Variants in CFDP1 observed in about 807,000 individuals in gnomAD.
The protein encoded by CFDP1 is chromatin remodeling protein CFDP1.
In CFDP1, 31 loss-of-function variants were observed where a neutral mutation model predicts 40.1. The ratio of observed to expected loss-of-function variants is 0.77; its 90% confidence interval spans 0.58 to 1.04. The LOEUF is 1.04. CFDP1 is among the 50% of genes least tolerant of loss of function. The pLI is 0.00. For synonymous variants in CFDP1, 167 were observed against 120.0 expected (o/e 1.39, Z -2.56); for missense variants, 423 against 343.4 (o/e 1.23, Z -1.83).
rs61472076 is a variant in CFDP1 at position 75,349,650 on chromosome 16, CAAAAAAA to C, written c.651-44475_651-44469del. On this transcript the variant is annotated intron_variant, in intron 5 of 6. Transcript: ENST00000283882. ...TGGGCGACAGAGCGAGACTCCGTCTCAAAAAAAAAAAAAAAAAAAAAAAAAAAAAAAA... is the reference window on the plus strand; with the variant it reads ...TGGGCGACAGAGCGAGACTCCGTCTCAAAAAAAAAAAAAAAAAAAAAAAAA... Among the ~76,000 whole-genome samples the C allele has an allele frequency of 4.0e-3, 93 of 23,216 alleles. 3 individuals are homozygous for C. Among genetic ancestry groups the C allele is most frequent in the African/African-American group, 0.01 (78 of 7,516 alleles). The allele number at this position is 23,216 out of a possible 152,430, so 15.2% of individuals were successfully genotyped here. A position where few individuals can be genotyped will look rare whatever the true frequency, so the allele number is the denominator to read the frequency against.
intron 1 of CFDP1, among the ~76,000 whole-genome samples, chr16:75,427,260 T>C (rs1468604851): frequency 6.6e-6 from 1 of 151,886 alleles, no homozygotes; most frequent in Non-Finnish European, 1.5e-5. Flanking sequence ...TTTTTTTTCT[T>C]TTTTTTTCGA....
At chr16:75,401,792 T>G (rs964736731) in intron 4 of CFDP1, among the ~76,000 whole-genome samples, 1 of 152,076 alleles carries the variant, frequency 6.6e-6, no homozygotes, top group Non-Finnish European at 1.5e-5. Flanking sequence ...CTGAGACAAT[T>G]AGGTCAACAT....
At chr16:75,299,025 G>A (rs1027090594) in intron 6 of CFDP1, among the ~76,000 whole-genome samples, 1 of 152,070 alleles carries the variant, frequency 6.6e-6, no homozygotes, top group African/African-American at 2.4e-5. Flanking sequence ...TAAGTCAGTT[G>A]GCCCCCGCCT....
chr16:75,295,118 AG>A (rs144281149), intron 6 of CFDP1, among the ~76,000 whole-genome samples: 2,647 of 152,320 alleles, frequency 0.017, 71 homozygotes, highest in African/African-American at 0.06. Context: ...GTCATTACAA[AG>A]TCATTACATT....
chr16:75,336,397 G>C (rs1309182333), intron 5 of CFDP1, among the ~76,000 whole-genome samples: 2 of 152,204 alleles, frequency 1.3e-5, no homozygotes, highest in Non-Finnish European at 2.9e-5. Flanking sequence ...AGTGATGAGA[G>C]GTAGGGAGCA....
At chr16:75,394,199 G>T (rs4888404) in intron 5 of CFDP1, among the ~76,000 whole-genome samples, 2 of 152,016 alleles carry the variant, frequency 1.3e-5, no homozygotes, top group African/African-American at 4.8e-5. Flanking sequence ...GGAGTCAGGT[G>T]GGTAGTCAGG....
At chr16:75,297,146 TTGTG>T (rs71158596) in intron 6 of CFDP1, among the ~76,000 whole-genome samples, 1 of 132,988 alleles carries the variant, frequency 7.5e-6, no homozygotes, top group Non-Finnish European at 1.6e-5. Flanking sequence ...TTCCCATTTC[TTGTG>T]TGTGTGTGTG....
In CFDP1 at chr16:75,343,793, G is replaced by A. The variant is rs373650247; in HGVS notation, c.651-38611C>T. On this transcript the variant is annotated intron_variant, in intron 5 of 6. Coordinates refer to ENST00000283882, the MANE Select transcript of CFDP1 (RefSeq NM_006324.3). ...CAGTTAATCAATGCAGGGTCATCTCGCGCATGAAAGGCTGATTTCCTAAGA... is the reference window on the plus strand; with the variant it reads ...CAGTTAATCAATGCAGGGTCATCTCACGCATGAAAGGCTGATTTCCTAAGA... 3.1e-4 allele frequency among the ~76,000 whole-genome samples: 47 copies of A among 152,228 alleles called. 1 individual carries two copies. In the South Asian group the frequency reaches 3.1e-3, roughly 10 times the overall value.
intron 5 of CFDP1, among the ~76,000 whole-genome samples, chr16:75,386,932 G>T (rs762751820): frequency 6.6e-6 from 1 of 152,174 alleles, no homozygotes; most frequent in Non-Finnish European, 1.5e-5. Flanking sequence ...GCCTTTAATA[G>T]ATTGAAAATA....
chr16:75,325,266 C>G (rs2078394012), intron 5 of CFDP1, among the ~76,000 whole-genome samples: 2 of 152,198 alleles, frequency 1.3e-5, no homozygotes. Flanking sequence ...CCCAGACTTC[C>G]TCTCCTAGCA....
At chr16:75,318,391 G>A (rs1342958652) in intron 5 of CFDP1, among the ~76,000 whole-genome samples, 1 of 149,440 alleles carries the variant, frequency 6.7e-6, no homozygotes, top group Non-Finnish European at 1.5e-5. Context: ...TAGGGAGTTG[G>A]CATGCTTTCT....
chr16:75,313,442 G>T (rs1316334481), intron 5 of CFDP1, among the ~76,000 whole-genome samples: 4 of 152,170 alleles, frequency 2.6e-5, no homozygotes, highest in Non-Finnish European at 1.5e-5. Flanking sequence ...TGATTCTCCT[G>T]CCTCAGCCTC....
At chr16:75,432,934 GA>G (rs1161716744) in intron 1 of CFDP1, among the ~76,000 whole-genome samples, 1 of 152,176 alleles carries the variant, frequency 6.6e-6, no homozygotes, top group Non-Finnish European at 1.5e-5. Flanking sequence ...GGCCAGGGCT[GA>G]AAAAAACCTC....
chr16:75,406,506 G>A (rs2079100182), intron 4 of CFDP1: 1 of 151,326 alleles, frequency 6.6e-6, no homozygotes, highest in Non-Finnish European at 1.5e-5. Context: ...TTCAATATCA[G>A]CCCAGCCAAC....
chr16:75,336,010 G>T (rs1164434959), intron 5 of CFDP1, among the ~76,000 whole-genome samples: 1 of 152,068 alleles, frequency 6.6e-6, no homozygotes, highest in Non-Finnish European at 1.5e-5. Context: ...AATTAGAAGG[G>T]GATGAAAATA....
At chr16:75,335,197 C>T (rs890359636) in intron 5 of CFDP1, among the ~76,000 whole-genome samples, 5 of 152,286 alleles carry the variant, frequency 3.3e-5, no homozygotes, top group South Asian at 2.1e-4. Context: ...GGGCTTCAAA[C>T]GCCCTGAGGT....
chr16:75,353,673 C>T (rs1412390178), intron 5 of CFDP1, among the ~76,000 whole-genome samples: 8 of 147,916 alleles, frequency 5.4e-5, no homozygotes, highest in Admixed American at 2.1e-4. Flanking sequence ...GGCATGAACC[C>T]GGGAGGTGGA....
At chr16:75,296,451 G>A (rs1242588286) in intron 6 of CFDP1, among the ~76,000 whole-genome samples, 2 of 141,874 alleles carry the variant, frequency 1.4e-5, no homozygotes, top group Non-Finnish European at 3.1e-5. Flanking sequence ...TGCCCATGCT[G>A]GTCTCGAACT....
intron 1 of CFDP1, among the ~76,000 whole-genome samples, chr16:75,418,306 C>CTTTTTTT (rs60458195): frequency 9.3e-6 from 1 of 107,140 alleles, no homozygotes; most frequent in Non-Finnish European, 1.8e-5. Flanking sequence ...AACTCTAACC[C>CTTTTTTT]TTTTTTTTTT....
Sources: allele counts gnomAD v4.1 joint callset (sites outside exome capture counted in the v4.1 genomes callset), GRCh38; gene constraint gnomAD v4.1.1; transcripts MANE v1.5; gene names NCBI Gene and HGNC (gene_info 2026-07-23, HGNC 2026-07-21).